Variants in STK32B observed in about 807,000 individuals in gnomAD.
STK32B encodes serine/threonine kinase 32B, also known as serine/threonine-protein kinase 32B.
In STK32B, 43 loss-of-function variants were observed where a neutral mutation model predicts 52.6. The observed-to-expected ratio is 0.82, with a 90% CI of 0.64 to 1.05. The LOEUF is 1.05. STK32B is among the 50% of genes least tolerant of loss of function. The pLI, the probability that STK32B is intolerant of heterozygous loss-of-function variation, is 0.00. For synonymous variants in STK32B, 238 were observed against 204.3 expected, an observed-to-expected ratio of 1.17 and a Z score of -1.41; for missense variants, 621 against 534.6, an observed-to-expected ratio of 1.16 and a Z score of -1.59.
chr4:5,189,523 T>C (rs1430548489), intron 3 of STK32B, among the ~76,000 whole-genome samples: 1 of 152,242 alleles, frequency 6.6e-6, no homozygotes, highest in East Asian at 1.9e-4. Context: ...TTCCATTATC[T>C]GTACATGCTA....
Position 5,125,200 on chromosome 4 carries a change from A to C in STK32B, c.53-14705A>C, listed in dbSNP as rs186687044. Reference sequence around the variant, plus strand: ...GATGTCCAACAAGAGCAGCTTGGTCAACACCTTGATGTTGGTCTTCTGATA... The same window carrying C: ...GATGTCCAACAAGAGCAGCTTGGTCCACACCTTGATGTTGGTCTTCTGATA... On this transcript the variant is annotated intron_variant, in intron 1 of 11. Coordinates refer to ENST00000282908, the MANE Select transcript of STK32B (RefSeq NM_018401.3). 1.8e-4 allele frequency among the ~76,000 whole-genome samples: 23 copies of C among 130,742 alleles called. No homozygotes were observed. The East Asian group carries it at 5.0e-3, about 28-fold the overall frequency. The allele number at this position is 130,742 out of a possible 152,430, so 85.8% of individuals were successfully genotyped here. A position where few individuals can be genotyped will look rare whatever the true frequency, so the allele number is the denominator to read the frequency against.
chr4:5,439,732 T>G (rs1359543092), intron 6 of STK32B, among the ~76,000 whole-genome samples: 2 of 152,220 alleles, frequency 1.3e-5, no homozygotes, highest in East Asian at 3.8e-4. Flanking sequence ...TTTATATGGT[T>G]TTAGGTCTAA....
intron 3 of STK32B, among the ~76,000 whole-genome samples, chr4:5,230,208 T>TTTTTTTTTTTTTTTTTTTG (rs58022709): frequency 2.9e-5 from 3 of 103,474 alleles, no homozygotes; most frequent in Non-Finnish European, 4.0e-5. Flanking sequence ...TTTTTTTTTT[T>TTTTTTTTTTTTTTTTTTTG]TAGTGGAGTC....
At chr4:5,056,811 C>A (rs776376771) in intron 1 of STK32B, among the ~76,000 whole-genome samples, 2 of 152,164 alleles carry the variant, frequency 1.3e-5, no homozygotes, top group Non-Finnish European at 2.9e-5. Context: ...GTCAGCTCCA[C>A]TTGAGGCATT....
intron 4 of STK32B, among the ~76,000 whole-genome samples, chr4:5,347,724 C>G (rs1278093065): frequency 1.3e-5 from 2 of 152,108 alleles, no homozygotes; most frequent in African/African-American, 4.8e-5. Flanking sequence ...CCTTGCTGTT[C>G]TCATGATATT....
intron 3 of STK32B, among the ~76,000 whole-genome samples, chr4:5,306,567 A>G (rs1353703496): frequency 1.3e-5 from 2 of 152,064 alleles, no homozygotes; most frequent in African/African-American, 4.8e-5. Context: ...GAGAGCAGAT[A>G]CTTGGTTGGT....
intron 3 of STK32B, among the ~76,000 whole-genome samples, chr4:5,293,724 C>A (rs1729027872): frequency 6.6e-6 from 1 of 151,976 alleles, no homozygotes. Flanking sequence ...AAAATTTTCT[C>A]CCATTCCGTA....
At chr4:5,164,639 G>A (rs1718729236) in intron 2 of STK32B, among the ~76,000 whole-genome samples, 1 of 152,198 alleles carries the variant, frequency 6.6e-6, no homozygotes, top group South Asian at 2.1e-4. Flanking sequence ...CAGGTTGCAG[G>A]CTGCTAGCTT....
intron 3 of STK32B, among the ~76,000 whole-genome samples, chr4:5,246,737 A>ACC (rs1411324657): frequency 3.3e-5 from 5 of 152,190 alleles, no homozygotes; most frequent in African/African-American, 1.2e-4. Context: ...ATGGTGACAT[A>ACC]CATACGGGTT....
intron 11 of STK32B, among the ~76,000 whole-genome samples, chr4:5,480,282 C>A (rs138319177): frequency 6.6e-6 from 1 of 152,062 alleles, no homozygotes; most frequent in East Asian, 1.9e-4. Flanking sequence ...TATGAGTGAC[C>A]GTGGCCCATG....
intron 3 of STK32B, among the ~76,000 whole-genome samples, chr4:5,312,344 A>G (rs978493365): frequency 2.0e-5 from 3 of 151,648 alleles, no homozygotes; most frequent in Non-Finnish European, 4.4e-5. Flanking sequence ...ATGTGCAGGT[A>G]GTTACATATG....
chr4:5,421,811 G>A (rs933478719), intron 6 of STK32B, among the ~76,000 whole-genome samples: 5 of 152,208 alleles, frequency 3.3e-5, no homozygotes, highest in African/African-American at 7.2e-5. Context: ...ATCCTCAGAA[G>A]ATTCACATGA....
At chr4:5,023,866 G>T in the STK32B span, among the ~76,000 whole-genome samples, 1 of 152,324 alleles carries the variant, frequency 6.6e-6, no homozygotes, top group Admixed American at 6.5e-5. Context: ...CTTACACTAT[G>T]TGGGACCCAG....
the STK32B span, among the ~76,000 whole-genome samples, chr4:5,037,074 C>A: frequency 1.3e-5 from 2 of 152,232 alleles, no homozygotes; most frequent in South Asian, 2.1e-4. Flanking sequence ...GAGCTATTGA[C>A]CCTATTGACA....
chr4:5,177,639 A>G (rs964357365), intron 3 of STK32B, among the ~76,000 whole-genome samples: 1 of 152,232 alleles, frequency 6.6e-6, no homozygotes, highest in Admixed American at 6.5e-5. Flanking sequence ...ATGAGCCTGT[A>G]AAATCAAAAG....
At chr4:5,044,284 C>T in the STK32B span, among the ~76,000 whole-genome samples, 3 of 152,158 alleles carry the variant, frequency 2.0e-5, no homozygotes, top group African/African-American at 7.2e-5. Flanking sequence ...GGGCCTTAAA[C>T]ATCATCAATA....
intron 5 of STK32B, among the ~76,000 whole-genome samples, chr4:5,405,815 G>A (rs1737622540): frequency 6.6e-6 from 1 of 151,990 alleles, no homozygotes; most frequent in Admixed American, 6.5e-5. Flanking sequence ...CCAACACTGG[G>A]GATTACAATT....
intron 11 of STK32B, among the ~76,000 whole-genome samples, chr4:5,486,524 G>A (rs533611531): frequency 7.9e-5 from 12 of 152,358 alleles, no homozygotes; most frequent in African/African-American, 2.6e-4. Context: ...CTGACTTCTT[G>A]CGCTTCCAAG....
chr4:5,359,668 C>A (rs925180628), intron 4 of STK32B, among the ~76,000 whole-genome samples: 1 of 152,106 alleles, frequency 6.6e-6, no homozygotes, highest in Non-Finnish European at 1.5e-5. Context: ...AGAAAGACCT[C>A]TCTGATACAG....
Sources: gnomAD v4.1 joint callset for allele counts (sites outside exome capture counted in the v4.1 genomes callset) on GRCh38, gnomAD v4.1.1 for gene constraint, MANE v1.5 for transcripts, NCBI Gene and HGNC (gene_info 2026-07-23, HGNC 2026-07-21) for gene names.